RIPK4: variants seen among roughly 807,000 people sequenced by gnomAD.
RIPK4 encodes the protein receptor interacting serine/threonine kinase 4.
In RIPK4, 17 loss-of-function variants were observed where a neutral mutation model predicts 42.9. The ratio of observed to expected loss-of-function variants is 0.40; its 90% CI spans 0.27 to 0.59. RIPK4 has a LOEUF of 0.59. Among genes scored for constraint, RIPK4 ranks in the 20% least tolerant of loss-of-function variants. RIPK4 has a pLI of 0.47. For synonymous variants in RIPK4, 498 were observed against 499.1 expected (o/e 1.00, Z 0.03); for missense variants, 897 against 1,104.4 (o/e 0.81, Z 2.66).
Position 41,745,289 on chromosome 21 carries a change from C to T in RIPK4, c.936+470G>A, listed in dbSNP as rs1388243708. Among the ~76,000 whole-genome samples the T allele has an allele frequency of 2.6e-5, 4 of 152,212 alleles. No homozygotes were observed. The East Asian group carries it at 5.8e-4, about 22-fold the overall frequency. On this transcript the variant is annotated intron_variant, in intron 6 of 7. Coordinates refer to ENST00000332512, the MANE Select transcript of RIPK4 (RefSeq NM_020639.3). The stretch of plus-strand genomic sequence containing the variant: ...GGGCCTCACAGGTCTGCTCCAGCCT[C>T]ATCACCCGAAAAGGCATTTAGCCAG...
rs752968725 is a variant in RIPK4 at position 41,744,030 on chromosome 21, G to T, written c.1047C>A (p.Gly349=). The change falls in exon 7 of 8, where the codon GGC becomes GGA. Residue 349 remains glycine, a synonymous_variant. Transcript: ENST00000332512. ...AGGAGCTGCGGCTGAGCTCCTCGGG[G>T]CCCTCGACAGCCTGGGAAACTCCAG... ...LDSGVSQAVE[G]PEELSRSSSE... 33 of 1,613,044 alleles carry T rather than the reference G, an allele frequency of 2.0e-5. No homozygotes were observed. Among genetic ancestry groups the T allele is most frequent in the Non-Finnish European group, 2.8e-5 (33 of 1,179,964 alleles).
Position 41,741,055 on chromosome 21 carries a change from T to C in RIPK4, c.2138A>G (p.His713Arg). The C allele has an allele frequency of 1.9e-6, 3 of 1,610,110 alleles. No homozygotes were observed. The highest frequency in any genetic ancestry group is 1.7e-6 in the Non-Finnish European group (2 of 1,179,170). ...CTCCTCCACCACCTCCGAGTGCCCGTGGGCGGCAGCCAGGTGCAGCGCCGT... is the reference window on the plus strand; with the variant it reads ...CTCCTCCACCACCTCCGAGTGCCCGCGGGCGGCAGCCAGGTGCAGCGCCGT... The part of the protein sequence containing the change: ...NQTALHLAAA[H>R]GHSEVVEELV... Residue 713 changes from histidine to arginine, a missense_variant, in exon 8 of 8, where the codon CAC becomes CGC. His to Arg is a conservative substitution (Grantham distance 29, BLOSUM62 0). Coordinates refer to ENST00000332512, the MANE Select transcript of RIPK4 (RefSeq NM_020639.3).
chr21:41,758,041 TAGAGAGAGAGAGAGAG>T (rs71188681), intron 1 of RIPK4, among the ~76,000 whole-genome samples: 6 of 58,488 alleles, frequency 1.0e-4, no homozygotes, highest in South Asian at 1.3e-3. Context: ...TATATATATA[TAGAGAGAGAGAGAGAG>T]AGAGAGAGAG....
intron 3 of RIPK4, 45 bp from the exon 4 acceptor site, chr21:41,749,248 C>CA (rs760773606): frequency 1.2e-5 from 19 of 1,605,912 alleles, no homozygotes; most frequent in Non-Finnish European, 1.6e-5. Flanking sequence ...GCCAGAGACT[C>CA]AAAGCCAAAT....
At chr21:41,753,697 T>C (rs1406781585) in intron 2 of RIPK4, among the ~76,000 whole-genome samples, 2 of 152,156 alleles carry the variant, frequency 1.3e-5, no homozygotes, top group Non-Finnish European at 2.9e-5. Context: ...GGCTCACAGC[T>C]GCCCCCAAGC....
At chr21:41,766,670 G>A (rs1029693075) in intron 1 of RIPK4, among the ~76,000 whole-genome samples, 190 bp downstream of exon 1, 1 of 152,048 alleles carries the variant, frequency 6.6e-6, no homozygotes, top group Non-Finnish European at 1.5e-5. Flanking sequence ...AAGCCCCCGC[G>A]CCCCTCCGGC....
intron 2 of RIPK4, among the ~76,000 whole-genome samples, chr21:41,753,456 G>A (rs994812904): frequency 1.3e-5 from 2 of 152,098 alleles, no homozygotes; most frequent in African/African-American, 4.8e-5. Flanking sequence ...ATGCAAGCTC[G>A]GAATTGAGAA....
At chr21:41,746,266 G>A in intron 5 of RIPK4, 1 of 579,148 alleles carries the variant, frequency 1.7e-6, no homozygotes, top group South Asian at 1.8e-5. Flanking sequence ...CTCCTCAAGA[G>A]AAGGGCGACG....
chr21:41,749,829 T>C (rs118161540), intron 3 of RIPK4, among the ~76,000 whole-genome samples: 1,779 of 135,296 alleles, frequency 0.013, 17 homozygotes, highest in Non-Finnish European at 0.017. Flanking sequence ...ATATAGATAA[T>C]ATGAGGGATA....
chr21:41,748,696 A>T (rs2146050689), intron 4 of RIPK4, among the ~76,000 whole-genome samples: 1 of 152,344 alleles, frequency 6.6e-6, no homozygotes, highest in South Asian at 2.1e-4. Context: ...AAAAAGAATT[A>T]GCTGGAAATA....
chr21:41,753,252 A>AT (rs2061193695), intron 2 of RIPK4, among the ~76,000 whole-genome samples: 1 of 149,634 alleles, frequency 6.7e-6, no homozygotes, highest in South Asian at 2.3e-4. Context: ...TGAAAATTAA[A>AT]TGACATCTGA....
intron 1 of RIPK4, among the ~76,000 whole-genome samples, chr21:41,766,520 G>A (rs1309173336): frequency 6.6e-6 from 1 of 152,126 alleles, no homozygotes; most frequent in Non-Finnish European, 1.5e-5. Context: ...CGAAAACCAG[G>A]GCCACTCGGG....
At chr21:41,757,988 G>T in intron 1 of RIPK4, among the ~76,000 whole-genome samples, 1 of 63,530 alleles carries the variant, frequency 1.6e-5, no homozygotes, top group African/African-American at 7.2e-5. Context: ...GACACAGAGA[G>T]ACTCCATAAC....
intron 1 of RIPK4, 100 bp from the exon 2 acceptor site, chr21:41,756,916 C>T: frequency 7.9e-7 from 1 of 1,258,174 alleles, no homozygotes; most frequent in Admixed American, 2.2e-5. Context: ...GAGGGCTGAG[C>T]AAATGCCTCA....
Position 41,740,640 on chromosome 21 carries a change from T to A in RIPK4, c.*198A>T. On this transcript the variant is annotated 3_prime_UTR_variant, in exon 8 of 8. Transcript: ENST00000332512. ...GCCTAGATCGATGATGGAGCGGGCA[T>A]GTGCACCTGAGCCAGCTTCACCTGG... is the stretch of plus-strand genomic sequence containing the variant. 1.7e-6 allele frequency: 1 copy of A among 592,428 alleles called. No individual in the cohort carries two copies. Among genetic ancestry groups the A allele is most frequent in the Non-Finnish European group, 3.0e-6 (1 of 338,480 alleles). 36.7% of individuals were successfully genotyped at this position (592,428 alleles called of 1,614,324 possible). A position where few individuals can be genotyped will look rare whatever the true frequency, so the allele number is the denominator to read the frequency against.
intron 1 of RIPK4, among the ~76,000 whole-genome samples, chr21:41,759,043 C>T (rs776765679): frequency 6.6e-6 from 1 of 152,190 alleles, no homozygotes; most frequent in Non-Finnish European, 1.5e-5. Context: ...ATGCTGGTTC[C>T]CAGGCCTCAC....
intron 4 of RIPK4, among the ~76,000 whole-genome samples, chr21:41,747,702 A>T (rs2061176193): frequency 6.6e-6 from 1 of 152,228 alleles, no homozygotes; most frequent in Non-Finnish European, 1.5e-5. Context: ...TTCCATGATT[A>T]TTCAGACTTC....
intron 4 of RIPK4, among the ~76,000 whole-genome samples, chr21:41,748,511 T>C (rs890470008): frequency 4.0e-4 from 61 of 152,236 alleles, no homozygotes; most frequent in African/African-American, 1.4e-3. Flanking sequence ...ACCACAGCTC[T>C]CAAGCTGGGC....
Position 41,751,266 on chromosome 21 carries a change from C to T in RIPK4, c.475-21G>A, listed in dbSNP as rs955744639. Reference sequence around the variant, plus strand: ...GAAATCTGCAACACAGCCATCAGAGCGGGGCTCATTAGCCTGCAACAGTGA... The same window carrying T: ...GAAATCTGCAACACAGCCATCAGAGTGGGGCTCATTAGCCTGCAACAGTGA... On this transcript the variant is annotated intron_variant, in intron 2 of 7. Coordinates refer to ENST00000332512, the MANE Select transcript of RIPK4 (RefSeq NM_020639.3). This position sits in a 1 kb window ranked among gnomAD's most constrained non-coding sequence, Gnocchi z 4.5. 20 of 1,612,914 alleles carry T rather than the reference C, an allele frequency of 1.2e-5. No homozygotes were observed. Among genetic ancestry groups the T allele is most frequent in the South Asian group, 7.7e-5 (7 of 90,964 alleles).
Sources: gnomAD v4.1 joint callset for allele counts (sites outside exome capture counted in the v4.1 genomes callset) on GRCh38, gnomAD v4.1.1 for gene constraint, Gnocchi (gnomAD v3.1) non-coding constraint, MANE v1.5 for transcripts, NCBI Gene and HGNC (gene_info 2026-07-23, HGNC 2026-07-21) for gene names.